ZFHX2: variants seen among roughly 807,000 people sequenced by gnomAD.
ZFHX2 encodes zinc finger homeobox protein 2.
Under a neutral mutation model 164.8 loss-of-function variants are expected in ZFHX2, and 75 were observed. That is an observed-to-expected ratio of 0.46 (90% CI 0.38 to 0.55). The LOEUF (loss-of-function observed/expected upper bound fraction) is 0.55. Among genes scored for constraint, ZFHX2 ranks in the 20% least tolerant of loss-of-function variants. The probability of loss-of-function intolerance (pLI) is 0.00; values close to 1 mark genes in which losing one functional copy is unlikely to be tolerated. For missense variants in ZFHX2, 2,933 were observed against 3,308.0 expected, an observed-to-expected ratio of 0.89 and a Z score of 2.78; for synonymous variants, 1,217 against 1,351.4, an observed-to-expected ratio of 0.90 and a Z score of 2.18.
chr14:23,533,894 C>G lies in ZFHX2; in HGVS notation c.1432G>C (p.Glu478Gln), dbSNP rs776936141. The change falls in exon 2 of 10, where the codon GAG (glutamate) becomes CAG (glutamine). Residue 478 changes from glutamate (E) to glutamine (Q), a missense_variant. Coordinates refer to ENST00000419474, the MANE Select transcript of ZFHX2 (RefSeq NM_033400.3). The surrounding 1 kb of genome is among the most constrained non-coding windows in gnomAD (Gnocchi z 4.8). ...LDVHMREKHP[E>Q]SNSHCSYCSA... ...CAGTAGCTGCAGTGACTGTTGCTCT[C>G]AGGGTGCTTCTCTCGCATGTGCACA... 2.0e-6 allele frequency: 3 copies of G among 1,538,074 alleles called. No individual in the cohort carries two copies. Among genetic ancestry groups the G allele is most frequent in the South Asian group, 2.4e-5 (2 of 84,120 alleles).
Position 23,522,815 on chromosome 14 carries a change from G to C in ZFHX2, c.6866C>G (p.Ser2289Cys). Residue 2289 changes from serine (S) to cysteine (C), a missense_variant, in exon 10 of 10, where the codon TCC becomes TGC. Transcript: ENST00000419474. ...GACAGGGTCAGTGGTGCCTGCTGTG[G>C]AGGTGTTGGTTTGGTCGGGCATGGG... Reference protein sequence around the residue: ...QRPMPDQTNTSTAGTTDPVPG... With the variant: ...QRPMPDQTNTCTAGTTDPVPG... The C allele has an allele frequency of 6.5e-7, 1 of 1,535,974 alleles. No individual in the cohort carries two copies. Among genetic ancestry groups the C allele is most frequent in the Non-Finnish European group, 8.7e-7 (1 of 1,146,652 alleles).
rs1420469553 is a variant in ZFHX2, at chr14:23,535,348, G to A, written c.-23C>T. On this transcript the variant is annotated 5_prime_UTR_variant, in exon 2 of 10. Coordinates refer to ENST00000419474, the MANE Select transcript of ZFHX2 (RefSeq NM_033400.3). The surrounding 1 kb of genome is among the most constrained non-coding windows in gnomAD (Gnocchi z 4.5). The stretch of plus-strand genomic sequence containing the variant: ...CATGGTAGACGGAGGAGTGCTGGGG[G>A]CTCATGTCAGCGTGACAGCCAGTAC... 2.1e-6 allele frequency: 3 copies of A among 1,442,008 alleles called. No homozygotes were observed. The highest frequency in any genetic ancestry group is 2.5e-5 in the East Asian group (1 of 39,946). The allele number at this position is 1,442,008 out of a possible 1,614,324, so 89.3% of individuals were successfully genotyped here.
At chr14:23,528,822 C>T (rs957764870) in intron 6 of ZFHX2, 10 of 985,268 alleles carry the variant, frequency 1.0e-5, no homozygotes, top group Non-Finnish European at 1.1e-5. Context: ...CTGCCAGAGG[C>T]CCCACCATCA....
Position 23,526,333 on chromosome 14 carries a change from C to A in ZFHX2, c.3609G>T (p.Lys1203Asn). Residue 1203 changes from lysine to asparagine, a missense_variant, in exon 9 of 10, where the codon AAG becomes AAT. Lys to Asn is a moderately conservative substitution (Grantham distance 94). Coordinates refer to ENST00000419474, the MANE Select transcript of ZFHX2 (RefSeq NM_033400.3). ...CTVCKESFTQ[K>N]NILLVHYNSV... Reference sequence around the variant, plus strand: ...AATTATAATGAACCAACAGAATATTCTTCTGGGTGAAGGACTCCTTACACA... The same window carrying A: ...AATTATAATGAACCAACAGAATATTATTCTGGGTGAAGGACTCCTTACACA... 6.5e-7 allele frequency: 1 copy of A among 1,536,274 alleles called. No homozygotes were observed. Among genetic ancestry groups the A allele is most frequent in the Non-Finnish European group, 8.7e-7 (1 of 1,146,924 alleles).
chr14:23,543,463 C>G (rs1264727797), intron 1 of ZFHX2: 3 of 152,404 alleles, frequency 2.0e-5, no homozygotes, highest in Middle Eastern at 3.4e-3. Context: ...TTGTATTACT[C>G]TGTGTGTCAC....
In ZFHX2 at chr14:23,551,701, C is replaced by A; in HGVS notation, c.-408G>T. On this transcript the variant is annotated 5_prime_UTR_variant, in exon 1 of 10. The change creates a premature stop within an existing upstream ORF in the 5' untranslated region. Coordinates refer to ENST00000419474, the MANE Select transcript of ZFHX2 (RefSeq NM_033400.3). The surrounding 1 kb of genome is among the most constrained non-coding windows in gnomAD (Gnocchi z 5.3). ...TCCTCCTCGCCCTCCTCCTCCTCCT[C>A]CTCCTCGCCCTCACTCCTCCGCCTC... is the stretch of plus-strand genomic sequence containing the variant. The A allele has an allele frequency of 6.4e-6, 1 of 155,902 alleles. No individual in the cohort carries two copies. Among genetic ancestry groups the A allele is most frequent in the South Asian group, 1.8e-4 (1 of 5,696 alleles). 9.7% of individuals were successfully genotyped at this position (155,902 alleles called of 1,614,324 possible). A position where few individuals can be genotyped will look rare whatever the true frequency, so the allele number is the denominator to read the frequency against.
rs1380513540 is a variant in ZFHX2 at position 23,534,908 on chromosome 14, T to C, written c.418A>G (p.Lys140Glu). 1 of 1,536,072 alleles carries C rather than the reference T, an allele frequency of 6.5e-7. No homozygotes were observed. Among genetic ancestry groups the C allele is most frequent in the Non-Finnish European group, 8.7e-7 (1 of 1,146,878 alleles). Residue 140 changes from lysine (K) to glutamate (E), a missense_variant, in exon 2 of 10, where the codon AAG becomes GAG. Lys to Glu is a moderately conservative substitution (Grantham distance 56, BLOSUM62 1). Coordinates refer to ENST00000419474, the MANE Select transcript of ZFHX2 (RefSeq NM_033400.3). The surrounding 1 kb of genome is among the most constrained non-coding windows in gnomAD (Gnocchi z 4.5). ...CCCGCCTCACCCCAGGGGAAGCCCT[T>C]TGGTAACAGGAGTTCACTGCCACCT... Reference protein sequence around the residue: ...LPGGSELLLPKGFPWGEAGIK... With the variant: ...LPGGSELLLPEGFPWGEAGIK...
At chr14:23,530,635 T>A in intron 4 of ZFHX2, 1 of 352,892 alleles carries the variant, frequency 2.8e-6, no homozygotes, top group East Asian at 7.9e-5. Flanking sequence ...ACCGCTCAAG[T>A]AAGAATTGAC....
chr14:23,525,568 C>T lies in ZFHX2; in HGVS notation c.4374G>A (p.Gly1458=). The change falls in exon 9 of 10, where the codon GGG becomes GGA. Residue 1458 remains glycine, a synonymous_variant. Transcript: ENST00000419474. This position sits in a 1 kb window ranked among gnomAD's most constrained non-coding sequence, Gnocchi z 5.9. ...TAGGGGGAGGGGGCACAGCTTGCTT[C>T]CCTTCATTGTACTGGATCACCAGCT... ...GFELVIQYNE[G]KQAVPPPPTP... is the part of the protein sequence containing the mutation. 6.5e-7 allele frequency: 1 copy of T among 1,535,514 alleles called. No homozygotes were observed. The highest frequency in any genetic ancestry group is 8.7e-7 in the Non-Finnish European group (1 of 1,146,836).
In ZFHX2 at chr14:23,526,092, T is replaced by G; in HGVS notation, c.3850A>C (p.Lys1284Gln). 6.5e-7 allele frequency: 1 copy of G among 1,536,512 alleles called. No homozygotes were observed. Among genetic ancestry groups the G allele is most frequent in the South Asian group, 1.2e-5 (1 of 84,052 alleles). The change falls in exon 9 of 10, where the codon AAG (lysine) becomes CAG (glutamine). Residue 1284 changes from lysine to glutamine, a missense_variant. Transcript: ENST00000419474. ...TGGCTGCGTTCTGGCCCTTCAATCT[T>G]GGAATCAGTCTTGGTTCCCCGAGAG... The part of the protein sequence containing the change: ...TRSRGTKTDS[K>Q]IEGPERSQEE...
In ZFHX2 at chr14:23,521,680, AGG is replaced by A. The variant is rs1433346766; in HGVS notation, c.*280_*281del. 9.5e-6 allele frequency: 4 copies of A among 422,788 alleles called. No individual in the cohort carries two copies. Among genetic ancestry groups the A allele is most frequent in the African/African-American group, 8.1e-5 (4 of 49,222 alleles). 26.2% of individuals were successfully genotyped at this position (422,788 alleles called of 1,614,324 possible). ...GGTAGGCAGACATGTATGAATAATCAGGGTGCCAAGATGGGTGTATGTGTCTG... is the reference window on the plus strand; with the variant it reads ...GGTAGGCAGACATGTATGAATAATCAGTGCCAAGATGGGTGTATGTGTCTG... On this transcript the variant is annotated 3_prime_UTR_variant, in exon 10 of 10. Coordinates refer to ENST00000419474, the MANE Select transcript of ZFHX2 (RefSeq NM_033400.3).
In ZFHX2 at chr14:23,525,533, G is replaced by A. The variant is rs866758772; in HGVS notation, c.4409C>T (p.Pro1470Leu). The change falls in exon 9 of 10, where the codon CCA becomes CTA. Residue 1470 changes from proline (P) to leucine (L), a missense_variant. Pro to Leu is a moderately conservative substitution (Grantham distance 98, BLOSUM62 -3). Transcript: ENST00000419474. This position sits in a 1 kb window ranked among gnomAD's most constrained non-coding sequence, Gnocchi z 5.9. Reference sequence around the variant, plus strand: ...GTCCCCACCCCCGAGGGCCTCAGGTGGGGGTGGGGTAGGGGGAGGGGGCAC... The same window carrying A: ...GTCCCCACCCCCGAGGGCCTCAGGTAGGGGTGGGGTAGGGGGAGGGGGCAC... ...QAVPPPPTPP[P>L]PEALGGGDKL... is the part of the protein sequence containing the mutation. 1.3e-5 allele frequency: 20 copies of A among 1,535,538 alleles called. No homozygotes were observed. Among genetic ancestry groups the A allele is most frequent in the African/African-American group, 5.5e-5 (4 of 73,052 alleles).
Position 23,522,660 on chromosome 14 carries a change from A to G in ZFHX2, c.7021T>C (p.Leu2341=), listed in dbSNP as rs958194974. 1.0e-5 allele frequency: 16 copies of G among 1,536,442 alleles called. No individual in the cohort carries two copies. Among genetic ancestry groups the G allele is most frequent in the Admixed American group, 2.0e-5 (1 of 50,998 alleles). Residue 2341 remains leucine (L), a synonymous_variant, in exon 10 of 10, where the codon TTG becomes CTG. Transcript: ENST00000419474. ...GGAAAGGGCAGGAACTGGCCCCCCA[A>G]CAGGGCTGGGACAGTGGTCTTCAAT... ...KALKTTVPAL[L]GGQFLPFPLP...
rs749814803 is a variant in ZFHX2, at chr14:23,522,658, C to A, written c.7023G>T (p.Leu2341Phe). Residue 2341 changes from leucine to phenylalanine, a missense_variant, in exon 10 of 10, where the codon TTG becomes TTT. Coordinates refer to ENST00000419474, the MANE Select transcript of ZFHX2 (RefSeq NM_033400.3). The part of the protein sequence containing the change: ...KALKTTVPAL[L>F]GGQFLPFPLP... ...ATGGAAAGGGCAGGAACTGGCCCCC[C>A]AACAGGGCTGGGACAGTGGTCTTCA... 6.5e-7 allele frequency: 1 copy of A among 1,536,382 alleles called. No individual in the cohort carries two copies. The highest frequency in any genetic ancestry group is 1.2e-5 in the South Asian group (1 of 84,054).
In ZFHX2 at chr14:23,522,619, C is replaced by T. The variant is rs760861585; in HGVS notation, c.7062G>A (p.Gly2354=). 2.0e-6 allele frequency: 3 copies of T among 1,533,500 alleles called. No individual in the cohort carries two copies. The highest frequency in any genetic ancestry group is 3.9e-5 in the Admixed American group (2 of 50,808). The allele number at this position is 1,533,500 out of a possible 1,614,324, so 95.0% of individuals were successfully genotyped here. ...QFLPFPLPPA[G]GTAPPAVFGP... Reference sequence around the variant, plus strand: ...CAAAGACAGCTGGCGGTGCTGTTCCCCCAGCAGGGGGCAATGGAAAGGGCA... The same window carrying T: ...CAAAGACAGCTGGCGGTGCTGTTCCTCCAGCAGGGGGCAATGGAAAGGGCA... The change falls in exon 10 of 10, where the codon GGG becomes GGA. Residue 2354 remains glycine (G), a synonymous_variant. Transcript: ENST00000419474.
Position 23,523,961 on chromosome 14 carries a change from G to A in ZFHX2, c.5981C>T (p.Pro1994Leu). 1 of 1,534,502 alleles carries A rather than the reference G, an allele frequency of 6.5e-7. No individual in the cohort carries two copies. The highest frequency in any genetic ancestry group is 8.7e-7 in the Non-Finnish European group (1 of 1,145,776). Residue 1994 changes from proline (P) to leucine (L), a missense_variant, in exon 9 of 10, where the codon CCA (proline) becomes CTA (leucine). Coordinates refer to ENST00000419474, the MANE Select transcript of ZFHX2 (RefSeq NM_033400.3). The surrounding 1 kb of genome is among the most constrained non-coding windows in gnomAD (Gnocchi z 4.1). ...GKEATTPTPE[P>L]PLPLLPPPPP... ...AGGGGGAGGTAGGAGAGGTAGAGGT[G>A]GCTCTGGTGTTGGGGTGGTGGCCTC...
In ZFHX2 at chr14:23,533,815, C is replaced by A; in HGVS notation, c.1511G>T (p.Gly504Val). The change falls in exon 2 of 10, where the codon GGC becomes GTC. Residue 504 changes from glycine to valine, a missense_variant. By Grantham distance (109) the Gly-to-Val change is moderately radical. Coordinates refer to ENST00000419474, the MANE Select transcript of ZFHX2 (RefSeq NM_033400.3). The surrounding 1 kb of genome is among the most constrained non-coding windows in gnomAD (Gnocchi z 4.8). ...GACGTCACAGCGGTAGGGTTTGTAG[C>A]CACAGTTGTAGCTCTCTCCACGAGC... ...RLARGESYNC[G>V]YKPYRCDVCN... 6.5e-7 allele frequency: 1 copy of A among 1,544,376 alleles called. No individual in the cohort carries two copies. The highest frequency in any genetic ancestry group is 8.7e-7 in the Non-Finnish European group (1 of 1,151,188).
chr14:23,522,624 C>G lies in ZFHX2; in HGVS notation c.7057G>C (p.Ala2353Pro), dbSNP rs1363612917. Reference sequence around the variant, plus strand: ...ACAGCTGGCGGTGCTGTTCCCCCAGCAGGGGGCAATGGAAAGGGCAGGAAC... The same window carrying G: ...ACAGCTGGCGGTGCTGTTCCCCCAGGAGGGGGCAATGGAAAGGGCAGGAAC... ...GQFLPFPLPP[A>P]GGTAPPAVFG... is the part of the protein sequence containing the mutation. The change falls in exon 10 of 10, where the codon GCT becomes CCT. Residue 2353 changes from alanine (A) to proline (P), a missense_variant. Transcript: ENST00000419474. 1 of 1,533,988 alleles carries G rather than the reference C, an allele frequency of 6.5e-7. No individual in the cohort carries two copies. The highest frequency in any genetic ancestry group is 1.4e-5 in the African/African-American group (1 of 73,002).
At position 23,524,278 on chromosome 14, in the gene ZFHX2, G is replaced by C. The variant is rs1179817435; in HGVS notation, c.5664C>G (p.Asp1888Glu). The change falls in exon 9 of 10, where the codon GAC (aspartate) becomes GAG (glutamate). Residue 1888 changes from aspartate (D) to glutamate (E), a missense_variant. Physicochemically the swap from Asp to Glu is conservative, Grantham distance 45. Transcript: ENST00000419474. The surrounding 1 kb of genome is among the most constrained non-coding windows in gnomAD (Gnocchi z 5.6). ...TGAGCCCCACCTCCTCGGAGATGCA[G>C]TCGAGCATCTTGCGTGTTGGGTTGG... ...QDSNPTRKML[D>E]CISEEVGLKK... 1 of 1,536,268 alleles carries C rather than the reference G, an allele frequency of 6.5e-7. No homozygotes were observed. The highest frequency in any genetic ancestry group is 8.7e-7 in the Non-Finnish European group (1 of 1,146,970).
Sources: allele counts gnomAD v4.1 joint callset, GRCh38; gene constraint gnomAD v4.1.1; non-coding constraint Gnocchi (gnomAD v3.1); transcripts MANE v1.5; gene names NCBI Gene and HGNC (gene_info 2026-07-23, HGNC 2026-07-21).